The following SGCZ variants were observed in gnomAD, a reference collection of about 807,000 sequenced individuals.
SGCZ encodes sarcoglycan zeta.
SGCZ carries 40 observed loss-of-function variants against 41.3 expected under a neutral mutation model. The ratio of observed to expected loss-of-function variants is 0.97; its 90% CI spans 0.75 to 1.26. The LOEUF is 1.26. Ranked by LOEUF, SGCZ falls within the 50% of genes most tolerant of loss-of-function variation. The pLI is 0.00. For missense variants in SGCZ, 552 were observed against 369.8 expected (o/e 1.49, Z -4.04); for synonymous variants, 206 against 137.5 (o/e 1.50, Z -3.49).
At chr8:14,646,524 A>C (rs6981639) in intron 1 of SGCZ, among the ~76,000 whole-genome samples, 16,368 of 151,902 alleles carry the variant, frequency 0.11, 1,074 homozygotes, top group African/African-American at 0.19. Flanking sequence ...TGAACATACA[A>C]GAACATGTCT....
intron 1 of SGCZ, among the ~76,000 whole-genome samples, chr8:14,679,726 A>G (rs1201867578): frequency 1.3e-5 from 2 of 152,010 alleles, no homozygotes; most frequent in Non-Finnish European, 2.9e-5. Flanking sequence ...CAGTGTTTAT[A>G]AAGTCCCCAA....
chr8:14,261,003 C>T (rs1003304680), intron 3 of SGCZ, among the ~76,000 whole-genome samples: 2 of 151,980 alleles, frequency 1.3e-5, no homozygotes, highest in African/African-American at 4.8e-5. Flanking sequence ...CGCTAGATGA[C>T]GAGTTAGTGG....
chr8:14,874,706 C>A (rs1804282937), intron 1 of SGCZ, among the ~76,000 whole-genome samples: 1 of 152,112 alleles, frequency 6.6e-6, no homozygotes, highest in African/African-American at 2.4e-5. Flanking sequence ...TCAGTGAATG[C>A]ACAGGTGCCT....
intron 1 of SGCZ, among the ~76,000 whole-genome samples, chr8:14,843,125 T>C (rs1802982640): frequency 1.3e-5 from 2 of 152,076 alleles, no homozygotes; most frequent in South Asian, 2.1e-4. Context: ...GGCAGGAGAA[T>C]TGCTTGAACC....
chr8:14,321,282 C>CT (rs11391260), intron 3 of SGCZ, among the ~76,000 whole-genome samples: 1,725 of 152,042 alleles, frequency 0.011, 30 homozygotes, highest in African/African-American at 0.039. Context: ...TTTCTGTTTA[C>CT]TTTTTTTGCT....
rs540956297 is a variant in SGCZ at position 14,714,327 on chromosome 8, A to C, written c.40-159401T>G. On this transcript the variant is annotated intron_variant, in intron 1 of 7. Coordinates refer to ENST00000382080, the MANE Select transcript of SGCZ (RefSeq NM_139167.4). ...AAACAAACTTTTAAAAGTTTATAGA[A>C]GTTAAAAAAAGTAACAGTATCATAG... Among the ~76,000 whole-genome samples, 51 of 152,294 alleles carry C rather than the reference A, an allele frequency of 3.3e-4. No individual in the cohort carries two copies. In the Middle Eastern group the frequency reaches 0.01, roughly 30 times the overall value.
chr8:14,406,079 C>A (rs186953939), intron 2 of SGCZ, among the ~76,000 whole-genome samples: 1 of 149,112 alleles, frequency 6.7e-6, no homozygotes, highest in African/African-American at 2.6e-5. Flanking sequence ...ATCTCATCTC[C>A]TACAACCCTA....
At chr8:14,996,989 T>C (rs986790850) in intron 1 of SGCZ, among the ~76,000 whole-genome samples, 1 of 152,216 alleles carries the variant, frequency 6.6e-6, no homozygotes, top group South Asian at 2.1e-4. Flanking sequence ...CTCTTTTGTG[T>C]TCATTTGAAA....
intron 1 of SGCZ, among the ~76,000 whole-genome samples, chr8:14,760,245 C>G (rs1025201114): frequency 6.6e-6 from 1 of 152,154 alleles, no homozygotes; most frequent in African/African-American, 2.4e-5. Context: ...GTAATCCCTT[C>G]GTAGCCTTTA....
Position 14,982,750 on chromosome 8 carries a change from T to C in SGCZ, c.39+254835A>G, listed in dbSNP as rs183665237. 4.6e-3 allele frequency among the ~76,000 whole-genome samples: 705 copies of C among 152,326 alleles called. 4 individuals carry two copies. The highest frequency in any genetic ancestry group is 0.019 in the South Asian group (91 of 4,824). ...AAACTAAATCATAGCACTTTTTTAA[T>C]CTTTATTTTGAAAATTCTAGATATA... On this transcript the variant is annotated intron_variant, in intron 1 of 7. Transcript: ENST00000382080.
At chr8:14,536,650 GA>G (rs2117139289) in intron 2 of SGCZ, among the ~76,000 whole-genome samples, 1 of 151,916 alleles carries the variant, frequency 6.6e-6, no homozygotes, top group East Asian at 1.9e-4. Flanking sequence ...CATAGAAATA[GA>G]AGCACTTAAA....
intron 1 of SGCZ, among the ~76,000 whole-genome samples, chr8:15,170,661 T>C (rs192933723): frequency 8.7e-4 from 133 of 152,316 alleles, no homozygotes; most frequent in African/African-American, 3.2e-3. Flanking sequence ...CTATGCACGC[T>C]CTTTCAAAAG....
chr8:15,004,424 G>T (rs917824244), intron 1 of SGCZ, among the ~76,000 whole-genome samples: 2 of 151,928 alleles, frequency 1.3e-5, no homozygotes, highest in Admixed American at 1.3e-4. Context: ...GGGAAAATTA[G>T]ACCAAAAAAG....
chr8:14,966,456 G>C (rs1411156773), intron 1 of SGCZ, among the ~76,000 whole-genome samples: 2 of 151,708 alleles, frequency 1.3e-5, no homozygotes, highest in African/African-American at 4.8e-5. Flanking sequence ...ATTAACTCTA[G>C]GGGAATAAAA....
chr8:14,404,548 T>G (rs1162553194), intron 2 of SGCZ, among the ~76,000 whole-genome samples: 1 of 152,202 alleles, frequency 6.6e-6, no homozygotes, highest in African/African-American at 2.4e-5. Flanking sequence ...AGGTTGTCAT[T>G]TCAAATTAGA....
At chr8:14,171,594 A>G (rs909332684) in intron 4 of SGCZ, among the ~76,000 whole-genome samples, 3 of 152,030 alleles carry the variant, frequency 2.0e-5, no homozygotes, top group African/African-American at 7.2e-5. Flanking sequence ...AAGGCATTTT[A>G]AAAGTACATA....
intron 2 of SGCZ, among the ~76,000 whole-genome samples, chr8:14,463,628 A>T (rs1416372198): frequency 6.6e-6 from 1 of 151,696 alleles, no homozygotes; most frequent in Non-Finnish European, 1.5e-5. Flanking sequence ...AACAAAACAA[A>T]ACACAGACAA....
At chr8:14,799,470 G>A (rs948000711) in intron 1 of SGCZ, among the ~76,000 whole-genome samples, 1 of 152,062 alleles carries the variant, frequency 6.6e-6, no homozygotes, top group Admixed American at 6.6e-5. Context: ...AGTGACCTCT[G>A]GTGAAAGAAA....
At chr8:14,323,447 G>C (rs1801996933) in intron 3 of SGCZ, among the ~76,000 whole-genome samples, 2 of 152,110 alleles carry the variant, frequency 1.3e-5, no homozygotes, top group African/African-American at 4.8e-5. Context: ...GAATGTAATA[G>C]ATATGAAAAA....
Sources: gnomAD v4.1 joint callset for allele counts (sites outside exome capture counted in the v4.1 genomes callset) on GRCh38, gnomAD v4.1.1 for gene constraint, MANE v1.5 for transcripts, NCBI Gene and HGNC (gene_info 2026-07-23, HGNC 2026-07-21) for gene names.